The following FBXW4 variants were observed in gnomAD, a reference collection of about 807,000 sequenced individuals.
FBXW4 encodes F-box/WD repeat-containing protein 4.
FBXW4 carries 40 observed loss-of-function variants against 61.8 expected under a neutral mutation model. That is an observed-to-expected ratio of 0.65 (90% CI 0.50 to 0.84). The LOEUF (loss-of-function observed/expected upper bound fraction) is 0.84, where lower values mean the gene tolerates loss of function less well. Ranked by LOEUF, FBXW4 falls within the 40% of genes least tolerant of loss-of-function variation. The probability of loss-of-function intolerance (pLI) is 0.00; values close to 1 mark genes in which losing one functional copy is unlikely to be tolerated. For synonymous variants in FBXW4, 311 were observed against 313.8 expected, an observed-to-expected ratio of 0.99 and a Z score of 0.10; for missense variants, 672 against 753.8, an observed-to-expected ratio of 0.89 and a Z score of 1.27.
At chr10:101,641,890 G>A (rs951609350) in intron 5 of FBXW4, among the ~76,000 whole-genome samples, 5 of 152,186 alleles carry the variant, frequency 3.3e-5, no homozygotes, top group African/African-American at 1.2e-4. Flanking sequence ...GCCAGGCACA[G>A]GCACAGTGGT....
intron 5 of FBXW4, among the ~76,000 whole-genome samples, chr10:101,650,658 G>C (rs2064137941): frequency 6.6e-6 from 1 of 152,204 alleles, no homozygotes; most frequent in Non-Finnish European, 1.5e-5. Flanking sequence ...ACAGACACAT[G>C]GATGGGGGAA....
intron 4 of FBXW4, among the ~76,000 whole-genome samples, chr10:101,669,859 A>T (rs1329108524): frequency 1.3e-5 from 2 of 150,808 alleles, no homozygotes; most frequent in Non-Finnish European, 2.9e-5. Flanking sequence ...GGTTCATGCC[A>T]TTCTCCTGCC....
chr10:101,653,191 T>C (rs2064158411), intron 5 of FBXW4, among the ~76,000 whole-genome samples: 1 of 152,192 alleles, frequency 6.6e-6, no homozygotes, highest in Non-Finnish European at 1.5e-5. Flanking sequence ...CCTACATAGT[T>C]TTCCTGAATG....
chr10:101,613,527 G>C (rs1056145812), intron 6 of FBXW4, among the ~76,000 whole-genome samples: 7 of 152,246 alleles, frequency 4.6e-5, no homozygotes, highest in Non-Finnish European at 8.8e-5. Context: ...CCCTGGCATG[G>C]AGTGAGGGGA....
chr10:101,624,091 GAC>G (rs35664019), intron 6 of FBXW4, among the ~76,000 whole-genome samples: 52,280 of 147,272 alleles, frequency 0.35, 9,245 homozygotes, highest in South Asian at 0.41. Flanking sequence ...GACACAGACA[GAC>G]ACACACACAC....
At position 101,611,649 on chromosome 10, in the gene FBXW4, C is replaced by G. The variant is rs780627881; in HGVS notation, c.1563G>C (p.Arg521=). The change falls in exon 8 of 9, where the codon CGG becomes CGC. Residue 521 remains arginine, a synonymous_variant. Coordinates refer to ENST00000331272, the MANE Select transcript of FBXW4 (RefSeq NM_022039.4). This position sits in a 1 kb window ranked among gnomAD's most constrained non-coding sequence, Gnocchi z 4.9. ...TTACGTGCAGGCAGGCCCTTTGACGCCGGTCCCACAGCCGTACAACACCGT... is the reference window on the plus strand; with the variant it reads ...TTACGTGCAGGCAGGCCCTTTGACGGCGGTCCCACAGCCGTACAACACCGT... ...SYYGVVRLWD[R]RQRACLHAFP... The G allele has an allele frequency of 9.3e-6, 15 of 1,614,174 alleles. 1 individual carries two copies. The South Asian group carries it at 1.6e-4, about 18-fold the overall frequency.
At chr10:101,612,794 G>A (rs184861041) in intron 6 of FBXW4, among the ~76,000 whole-genome samples, 1 of 152,072 alleles carries the variant, frequency 6.6e-6, no homozygotes, top group Admixed American at 6.5e-5. Flanking sequence ...TGCTGAAGGG[G>A]TCGGCCCCCC....
At chr10:101,659,799 C>T (rs1381555364) in intron 5 of FBXW4, among the ~76,000 whole-genome samples, 2 of 152,204 alleles carry the variant, frequency 1.3e-5, no homozygotes, top group African/African-American at 2.4e-5. Context: ...TATGCATACA[C>T]ATATCCATGT....
intron 5 of FBXW4, among the ~76,000 whole-genome samples, chr10:101,637,986 T>C (rs1331375677): frequency 6.6e-6 from 1 of 152,066 alleles, no homozygotes; most frequent in Non-Finnish European, 1.5e-5. Context: ...AGGAAATGGG[T>C]AATTGTACAC....
intron 5 of FBXW4, among the ~76,000 whole-genome samples, chr10:101,639,147 G>A (rs944558984): frequency 4.6e-5 from 7 of 152,212 alleles, no homozygotes; most frequent in Admixed American, 2.6e-4. Context: ...GGAAGCCTGG[G>A]CAGGCCAGAC....
At chr10:101,668,073 AAATGGGG>A in intron 4 of FBXW4, 93 bp from the exon 5 acceptor site, 1 of 954,918 alleles carries the variant, frequency 1.0e-6, no homozygotes, top group African/African-American at 1.6e-5. Flanking sequence ...GGAGGTGGAG[AAATGGGG>A]AATCCTTTAT....
chr10:101,641,999 T>C (rs1403898259), intron 5 of FBXW4, among the ~76,000 whole-genome samples: 1 of 152,014 alleles, frequency 6.6e-6, no homozygotes, highest in Non-Finnish European at 1.5e-5. Flanking sequence ...AAACCCCGTC[T>C]CTACTAAAAT....
intron 5 of FBXW4, among the ~76,000 whole-genome samples, chr10:101,655,709 T>G (rs1480329864): frequency 2.0e-5 from 3 of 152,270 alleles, no homozygotes; most frequent in Non-Finnish European, 4.4e-5. Context: ...ACACCCTGCA[T>G]GAGTCGAGTC....
At chr10:101,667,814 A>G in intron 5 of FBXW4, 72 bp downstream of exon 5, 2 of 1,319,084 alleles carry the variant, frequency 1.5e-6, no homozygotes, top group South Asian at 1.2e-5. Context: ...AAGATTTTCT[A>G]GCTCACCTGA....
intron 1 of FBXW4, among the ~76,000 whole-genome samples, chr10:101,682,965 T>G (rs1161372888): frequency 6.6e-6 from 1 of 152,222 alleles, no homozygotes; most frequent in African/African-American, 2.4e-5. Context: ...TCCCTAGCTG[T>G]TGGCCAAATC....
At chr10:101,679,267 A>G (rs1260377215) in intron 1 of FBXW4, among the ~76,000 whole-genome samples, 1 of 152,212 alleles carries the variant, frequency 6.6e-6, no homozygotes, top group Non-Finnish European at 1.5e-5. Flanking sequence ...CATTATTCCA[A>G]TTGTAATTTA....
chr10:101,611,168 C>A lies in FBXW4; in HGVS notation c.*123G>T. ...GCCTCTAGTGCAAGGTGCCTGAGCA[C>A]TGGGGTCACAGGCCCAGGAGCACAG... is the stretch of plus-strand genomic sequence containing the variant. On this transcript the variant is annotated 3_prime_UTR_variant, in exon 9 of 9. Coordinates refer to ENST00000331272, the MANE Select transcript of FBXW4 (RefSeq NM_022039.4). The surrounding 1 kb of genome is among the most constrained non-coding windows in gnomAD (Gnocchi z 4.9). 2.3e-6 allele frequency: 3 copies of A among 1,329,034 alleles called. No individual in the cohort carries two copies. The highest frequency in any genetic ancestry group is 1.4e-5 in the South Asian group (1 of 70,524). The allele number at this position is 1,329,034 out of a possible 1,614,324, so 82.3% of individuals were successfully genotyped here. A position where few individuals can be genotyped will look rare whatever the true frequency, so the allele number is the denominator to read the frequency against.
Position 101,664,579 on chromosome 10 carries a change from A to T in FBXW4, c.1235+3307T>A, listed in dbSNP as rs149412228. Reference sequence around the variant, plus strand: ...TGGTCATTGAGGGCAGGAACACTACAGGGGGAAGAGAGATTCCTACTGAGT... The same window carrying T: ...TGGTCATTGAGGGCAGGAACACTACTGGGGGAAGAGAGATTCCTACTGAGT... On this transcript the variant is annotated intron_variant, in intron 5 of 8. Transcript: ENST00000331272. Among the ~76,000 whole-genome samples, 77 of 152,304 alleles carry T rather than the reference A, an allele frequency of 5.1e-4. No homozygotes were observed. The East Asian group carries it at 0.014, about 27-fold the overall frequency.
At chr10:101,655,858 G>C (rs1309537368) in intron 5 of FBXW4, among the ~76,000 whole-genome samples, 2 of 152,200 alleles carry the variant, frequency 1.3e-5, no homozygotes, top group African/African-American at 4.8e-5. Context: ...CCTAGTGGGA[G>C]ACTGCTCCTG....
Sources: gnomAD v4.1 joint callset for allele counts (sites outside exome capture counted in the v4.1 genomes callset) on GRCh38, gnomAD v4.1.1 for gene constraint, Gnocchi (gnomAD v3.1) non-coding constraint, MANE v1.5 for transcripts, NCBI Gene and HGNC (gene_info 2026-07-23, HGNC 2026-07-21) for gene names.